Variants in ZMIZ1 observed in about 807,000 individuals in gnomAD.
ZMIZ1 encodes the protein zinc finger MIZ domain-containing protein 1.
A neutral mutation model predicts 113.9 loss-of-function variants in ZMIZ1; 17 were observed. The observed-to-expected ratio is 0.15, with a 90% CI of 0.10 to 0.22. The LOEUF (loss-of-function observed/expected upper bound fraction) is 0.22, where lower values mean the gene tolerates loss of function less well. Ranked by LOEUF, ZMIZ1 falls within the 10% of genes least tolerant of loss-of-function variation. The probability of loss-of-function intolerance (pLI) is 1.00; values close to 1 mark genes in which losing one functional copy is unlikely to be tolerated. For synonymous variants in ZMIZ1, 607 were observed against 603.1 expected (o/e 1.01, Z -0.09); for missense variants, 1,059 against 1,477.8 (o/e 0.72, Z 4.65).
Position 79,296,339 on chromosome 10 carries a change from T to C in ZMIZ1, c.1231-132T>C. The C allele has an allele frequency of 1.9e-6, 2 of 1,025,842 alleles. No homozygotes were observed. The highest frequency in any genetic ancestry group is 2.9e-5 in the South Asian group (2 of 69,850). 63.5% of individuals were successfully genotyped at this position (1,025,842 alleles called of 1,614,324 possible). On this transcript the variant is annotated intron_variant, in intron 12 of 24. Coordinates refer to ENST00000334512, the MANE Select transcript of ZMIZ1 (RefSeq NM_020338.4). This position sits in a 1 kb window ranked among gnomAD's most constrained non-coding sequence, Gnocchi z 4.1. ...GGACGAGAAGGGGCCCAAAGCATTA[T>C]CTGGTTTTGTGGGTGGGAAACAGCA...
At chr10:79,113,609 G>T (rs913408368) in intron 1 of ZMIZ1, among the ~76,000 whole-genome samples, 4 of 152,214 alleles carry the variant, frequency 2.6e-5, no homozygotes, top group African/African-American at 4.8e-5. Context: ...TGAGACACAG[G>T]CACCACGCTA....
intron 8 of ZMIZ1, 143 bp downstream of exon 8, chr10:79,277,468 C>A: frequency 9.1e-7 from 1 of 1,095,962 alleles, no homozygotes; most frequent in Non-Finnish European, 1.2e-6. Context: ...TTTTTTACAT[C>A]TTCGTGGGTG....
intron 2 of ZMIZ1, among the ~76,000 whole-genome samples, chr10:79,127,737 TC>T (rs1844580236): frequency 6.6e-6 from 1 of 151,740 alleles, no homozygotes; most frequent in African/African-American, 2.4e-5. Flanking sequence ...AGGAGGTGAG[TC>T]AGGAGCAGGC....
intron 7 of ZMIZ1, among the ~76,000 whole-genome samples, chr10:79,236,346 G>C (rs192381646): frequency 1.2e-4 from 19 of 152,348 alleles, no homozygotes; most frequent in Admixed American, 1.2e-3. Context: ...CGCACAGCCA[G>C]GCAGGCAGAC....
rs577144287 is a variant in ZMIZ1 at position 79,198,055 on chromosome 10, C to A, written c.-49-3529C>A. On this transcript the variant is annotated intron_variant, in intron 4 of 24. Transcript: ENST00000334512. ...TGGGTGGATCACGAGATCAAGAGAT[C>A]GAGACCATCCTGGCTAACATGGTGA... Among the ~76,000 whole-genome samples, 12 of 152,118 alleles carry A rather than the reference C, an allele frequency of 7.9e-5. 1 individual carries two copies. The South Asian group carries it at 2.3e-3, about 29-fold the overall frequency.
At chr10:79,254,736 T>C (rs957766524) in intron 7 of ZMIZ1, among the ~76,000 whole-genome samples, 6 of 152,168 alleles carry the variant, frequency 3.9e-5, no homozygotes, top group African/African-American at 1.4e-4. Flanking sequence ...AAGGGCAGTT[T>C]AGACAGGTGG....
intron 23 of ZMIZ1, 46 bp from the exon 24 acceptor site, chr10:79,310,878 C>A (rs1855102823): frequency 3.2e-6 from 5 of 1,571,714 alleles, no homozygotes; most frequent in Admixed American, 1.7e-5. Context: ...ATCGCCGTGC[C>A]TCCTCACCTC....
intron 17 of ZMIZ1, 142 bp from the exon 18 acceptor site, chr10:79,301,965 T>C (rs1024909795): frequency 6.5e-5 from 47 of 726,996 alleles, no homozygotes; most frequent in Non-Finnish European, 1.1e-4. Context: ...GTGCTCAGGC[T>C]CGCAAGTCCC....
At chr10:79,147,554 G>C (rs2132438588) in intron 3 of ZMIZ1, among the ~76,000 whole-genome samples, 1 of 152,334 alleles carries the variant, frequency 6.6e-6, no homozygotes. Flanking sequence ...AGGGATAGGG[G>C]TTGTCAGAAC....
At chr10:79,243,347 T>TCGGCGG (rs543235060) in intron 7 of ZMIZ1, among the ~76,000 whole-genome samples, 3 of 149,452 alleles carry the variant, frequency 2.0e-5, no homozygotes, top group African/African-American at 4.9e-5. Flanking sequence ...GGCTGCCTCC[T>TCGGCGG]CGGCGGCGGC....
intron 3 of ZMIZ1, among the ~76,000 whole-genome samples, chr10:79,155,915 C>T (rs1412149714): frequency 6.6e-6 from 1 of 152,234 alleles, no homozygotes; most frequent in African/African-American, 2.4e-5. Context: ...CCAGGCCGAG[C>T]TGGGCTGGCC....
rs1851045422 is a variant in ZMIZ1, at chr10:79,258,279, G to A, written c.281-18902G>A. ...CACGCCTGTAGTCCCAGCTACTCAG[G>A]AAGCTGAGACAGTGGGATAGCTTGA... On this transcript the variant is annotated intron_variant, in intron 7 of 24. Coordinates refer to ENST00000334512, the MANE Select transcript of ZMIZ1 (RefSeq NM_020338.4). Among the ~76,000 whole-genome samples the A allele has an allele frequency of 3.9e-5, 6 of 152,292 alleles. No individual in the cohort carries two copies. In the South Asian group the frequency reaches 1.2e-3, roughly 32 times the overall value.
rs567816913 is a variant in ZMIZ1, at chr10:79,171,080, A to T, written c.-50+8947A>T. 2.0e-5 allele frequency among the ~76,000 whole-genome samples: 3 copies of T among 152,310 alleles called. No homozygotes were observed. The South Asian group carries it at 6.2e-4, about 32-fold the overall frequency. On this transcript the variant is annotated intron_variant, in intron 4 of 24. Coordinates refer to ENST00000334512, the MANE Select transcript of ZMIZ1 (RefSeq NM_020338.4). ...TCCCACCCCAGCCAGGGCAGCCCCC[A>T]TGGAAGCTTTCCAGAAATATCCACG...
intron 7 of ZMIZ1, among the ~76,000 whole-genome samples, chr10:79,218,517 G>A (rs918429466): frequency 6.7e-6 from 1 of 150,296 alleles, no homozygotes; most frequent in African/African-American, 2.4e-5. Flanking sequence ...AAAAAACCTA[G>A]TGATTAACTA....
At position 79,145,637 on chromosome 10, in the gene ZMIZ1, G is replaced by A. The variant is rs191986505; in HGVS notation, c.-131+5860G>A. 5.9e-5 allele frequency among the ~76,000 whole-genome samples: 9 copies of A among 152,372 alleles called. 1 individual carries two copies. The East Asian group carries it at 9.6e-4, about 16-fold the overall frequency. On this transcript the variant is annotated intron_variant, in intron 3 of 24. Transcript: ENST00000334512. ...GGGTGGGGGATTGGTGAAGAACACAGAGTCATGGAGTTATTGTGAGAAGTC... is the reference window on the plus strand; with the variant it reads ...GGGTGGGGGATTGGTGAAGAACACAAAGTCATGGAGTTATTGTGAGAAGTC...
At position 79,155,489 on chromosome 10, in the gene ZMIZ1, CTGTT is replaced by C. The variant is rs572126206; in HGVS notation, c.-130-6563_-130-6560del. 2.0e-3 allele frequency among the ~76,000 whole-genome samples: 306 copies of C among 152,354 alleles called. 1 individual carries two copies. The highest frequency in any genetic ancestry group is 7.1e-3 in the African/African-American group (294 of 41,578). Reference sequence around the variant, plus strand: ...CCCTCTCTCTGGTCTCAGTTTGTCTCTGTTCAAGTCCAGCACCAAGGGACTAGGT... The same window carrying C: ...CCCTCTCTCTGGTCTCAGTTTGTCTCCAAGTCCAGCACCAAGGGACTAGGT... On this transcript the variant is annotated intron_variant, in intron 3 of 24. Coordinates refer to ENST00000334512, the MANE Select transcript of ZMIZ1 (RefSeq NM_020338.4).
chr10:79,220,135 C>A (rs1418674701), intron 7 of ZMIZ1, among the ~76,000 whole-genome samples: 1 of 152,210 alleles, frequency 6.6e-6, no homozygotes, highest in East Asian at 1.9e-4. Flanking sequence ...CAGGCTGTGG[C>A]CTCGTCTGTG....
intron 1 of ZMIZ1, among the ~76,000 whole-genome samples, chr10:79,107,019 A>G (rs1246572217): frequency 1.3e-5 from 2 of 152,178 alleles, no homozygotes; most frequent in Non-Finnish European, 2.9e-5. Context: ...TTTTCAGAGC[A>G]CTCACTCTTC....
chr10:79,096,871 G>C (rs987195045), intron 1 of ZMIZ1, among the ~76,000 whole-genome samples: 7 of 152,148 alleles, frequency 4.6e-5, no homozygotes, highest in African/African-American at 7.2e-5. Context: ...AAACAAACAG[G>C]GTGCTGAATA....
Sources: allele counts gnomAD v4.1 joint callset (sites outside exome capture counted in the v4.1 genomes callset), GRCh38; gene constraint gnomAD v4.1.1; non-coding constraint Gnocchi (gnomAD v3.1); transcripts MANE v1.5; gene names NCBI Gene and HGNC (gene_info 2026-07-23, HGNC 2026-07-21).